The following GPC6 variants were observed in gnomAD, a reference collection of about 807,000 sequenced individuals.
GPC6 encodes the protein glypican 6.
A neutral mutation model predicts 55.2 loss-of-function variants in GPC6; 14 were observed. The ratio of observed to expected loss-of-function variants is 0.25; its 90% CI spans 0.17 to 0.40. GPC6 has a LOEUF of 0.40. Ranked by LOEUF, GPC6 falls within the 10% of genes least tolerant of loss-of-function variation. The pLI is 1.00. For missense variants in GPC6, 641 were observed against 708.5 expected, an observed-to-expected ratio of 0.90 and a Z score of 1.08; for synonymous variants, 278 against 259.6, an observed-to-expected ratio of 1.07 and a Z score of -0.68.
chr13:93,898,432 C>T (rs1361199550), intron 3 of GPC6, among the ~76,000 whole-genome samples: 1 of 152,038 alleles, frequency 6.6e-6, no homozygotes, highest in African/African-American at 2.4e-5. Flanking sequence ...GCCACAGTTG[C>T]CTTGGTGATG....
intron 1 of GPC6, among the ~76,000 whole-genome samples, chr13:93,246,508 CTT>C (rs1262034764): frequency 5.3e-5 from 8 of 151,930 alleles, no homozygotes; most frequent in African/African-American, 1.9e-4. Flanking sequence ...TAATAAATAA[CTT>C]TTATTTACTA....
At chr13:93,702,185 G>A (rs1362607704) in intron 2 of GPC6, among the ~76,000 whole-genome samples, 2 of 152,038 alleles carry the variant, frequency 1.3e-5, no homozygotes, top group African/African-American at 4.8e-5. Context: ...TAGATTTGAT[G>A]TTCTGTTAGC....
intron 1 of GPC6, among the ~76,000 whole-genome samples, chr13:93,286,971 G>A (rs768089944): frequency 1.3e-5 from 2 of 151,984 alleles, no homozygotes; most frequent in South Asian, 2.1e-4. Context: ...TTTGCTTTCC[G>A]GTGGTTCAAT....
At chr13:93,725,503 G>T (rs900012364) in intron 2 of GPC6, among the ~76,000 whole-genome samples, 4 of 151,934 alleles carry the variant, frequency 2.6e-5, no homozygotes, top group Non-Finnish European at 4.4e-5. Context: ...TTAGATTATA[G>T]AGCTTGAAAT....
At chr13:93,489,347 A>G (rs1366626039) in intron 1 of GPC6, among the ~76,000 whole-genome samples, 1 of 151,510 alleles carries the variant, frequency 6.6e-6, no homozygotes, top group Non-Finnish European at 1.5e-5. Context: ...TTTTGGTACC[A>G]GTACCATGCT....
At chr13:94,163,455 A>C (rs557457637) in intron 4 of GPC6, among the ~76,000 whole-genome samples, 38 of 152,176 alleles carry the variant, frequency 2.5e-4, no homozygotes, top group Admixed American at 5.9e-4. Context: ...TTTTAAAAAA[A>C]CAATAACCAA....
chr13:93,467,575 CTTTTTTTTTTTTTT>C (rs11426472), intron 1 of GPC6, among the ~76,000 whole-genome samples: 3 of 74,020 alleles, frequency 4.1e-5, no homozygotes, highest in African/African-American at 1.7e-4. Context: ...AGCTGTGATT[CTTTTTTTTTTTTTT>C]TTTTTTTTTT....
At chr13:93,437,091 G>A (rs935429747) in intron 1 of GPC6, among the ~76,000 whole-genome samples, 1 of 151,940 alleles carries the variant, frequency 6.6e-6, no homozygotes, top group African/African-American at 2.4e-5. Flanking sequence ...TATTGTAATT[G>A]TCTTGGAGCA....
At chr13:94,248,754 G>A (rs545853197) in intron 4 of GPC6, among the ~76,000 whole-genome samples, 28 of 151,746 alleles carry the variant, frequency 1.8e-4, no homozygotes, top group Non-Finnish European at 2.9e-4. Flanking sequence ...CACACACATC[G>A]CCAGCCTGTT....
intron 3 of GPC6, among the ~76,000 whole-genome samples, chr13:93,998,740 AC>A (rs1307612843): frequency 6.6e-6 from 1 of 152,180 alleles, no homozygotes; most frequent in Non-Finnish European, 1.5e-5. Context: ...TACATTATAT[AC>A]AGCATGATGT....
chr13:93,644,545 G>A (rs2139590686), intron 2 of GPC6, among the ~76,000 whole-genome samples: 1 of 152,088 alleles, frequency 6.6e-6, no homozygotes, highest in South Asian at 2.1e-4. Flanking sequence ...ATGGAATAGG[G>A]AGATATTCAC....
chr13:93,833,638 A>G (rs1887617401), intron 3 of GPC6, among the ~76,000 whole-genome samples: 1 of 152,050 alleles, frequency 6.6e-6, no homozygotes, highest in South Asian at 2.1e-4. Flanking sequence ...GACATCATGA[A>G]TATCTTCTAA....
At chr13:93,306,663 T>G (rs545196155) in intron 1 of GPC6, among the ~76,000 whole-genome samples, 1 of 152,132 alleles carries the variant, frequency 6.6e-6, no homozygotes, top group Non-Finnish European at 1.5e-5. Context: ...TGAAATTATC[T>G]GATATTTCAA....
chr13:94,021,897 T>C (rs1882709921), intron 3 of GPC6, among the ~76,000 whole-genome samples: 2 of 152,210 alleles, frequency 1.3e-5, no homozygotes, highest in South Asian at 2.1e-4. Flanking sequence ...AGTGGGAAAA[T>C]TAAATTGGAA....
At chr13:93,262,011 A>C (rs2139041560) in intron 1 of GPC6, among the ~76,000 whole-genome samples, 1 of 151,944 alleles carries the variant, frequency 6.6e-6, no homozygotes, top group East Asian at 1.9e-4. Flanking sequence ...CATTTATGAG[A>C]GTGCTGATGT....
chr13:94,004,423 A>G (rs1881930737), intron 3 of GPC6, among the ~76,000 whole-genome samples: 1 of 152,146 alleles, frequency 6.6e-6, no homozygotes, highest in South Asian at 2.1e-4. Flanking sequence ...CAACCCCTCC[A>G]TCCCAGTTTC....
intron 6 of GPC6, among the ~76,000 whole-genome samples, chr13:94,315,237 A>G (rs1450365400): frequency 6.6e-6 from 1 of 152,244 alleles, no homozygotes; most frequent in African/African-American, 2.4e-5. Context: ...ATCTCTGTAG[A>G]AGCTTTTCCT....
At chr13:93,555,093 C>T (rs1375320766) in intron 2 of GPC6, among the ~76,000 whole-genome samples, 1 of 152,078 alleles carries the variant, frequency 6.6e-6, no homozygotes, top group Admixed American at 6.5e-5. Context: ...TTGGATTTCT[C>T]CACGTATTTT....
chr13:93,244,153 T>G (rs1015316782), intron 1 of GPC6, among the ~76,000 whole-genome samples: 1 of 152,148 alleles, frequency 6.6e-6, no homozygotes, highest in Non-Finnish European at 1.5e-5. Context: ...GGAACCACTT[T>G]CGCTGCATAA....
Sources: gnomAD v4.1 joint callset for allele counts (sites outside exome capture counted in the v4.1 genomes callset) on GRCh38, gnomAD v4.1.1 for gene constraint, MANE v1.5 for transcripts, NCBI Gene and HGNC (gene_info 2026-07-23, HGNC 2026-07-21) for gene names.